Variants in OLA1 observed in about 807,000 individuals in gnomAD.
OLA1 encodes obg-like ATPase 1.
A neutral mutation model predicts 48.4 loss-of-function variants in OLA1; 14 were observed. That is an observed-to-expected ratio of 0.29 (90% CI 0.19 to 0.45). The LOEUF (loss-of-function observed/expected upper bound fraction) is 0.45. OLA1 is among the 20% of genes least tolerant of loss of function. OLA1 has a pLI of 1.00. For missense variants in OLA1, 325 were observed against 467.1 expected, an observed-to-expected ratio of 0.70 and a Z score of 2.80; for synonymous variants, 127 against 150.4, an observed-to-expected ratio of 0.84 and a Z score of 1.14.
chr2:174,247,880 C>T, intron 1 of OLA1: 4 of 1,301,144 alleles, frequency 3.1e-6, no homozygotes, highest in Non-Finnish European at 3.2e-6. Flanking sequence ...TACTCCCACC[C>T]TTGGACTGCA....
intron 7 of OLA1, among the ~76,000 whole-genome samples, chr2:174,083,221 T>C (rs1684895553): frequency 6.6e-6 from 1 of 152,104 alleles, no homozygotes; most frequent in Non-Finnish European, 1.5e-5. Flanking sequence ...TATGGCAAAA[T>C]GCTGTGGCAG....
intron 7 of OLA1, among the ~76,000 whole-genome samples, chr2:174,083,591 A>G (rs994992209): frequency 6.6e-6 from 1 of 152,166 alleles, no homozygotes; most frequent in Admixed American, 6.6e-5. Context: ...ACAGGTTAAA[A>G]AAAAGGTGGG....
At position 174,123,952 on chromosome 2, in the gene OLA1, C is replaced by T. The variant is rs192362488; in HGVS notation, c.550-277G>A. Among the ~76,000 whole-genome samples, 621 of 152,122 alleles carry T rather than the reference C, an allele frequency of 4.1e-3. 3 individuals carry two copies. The highest frequency in any genetic ancestry group is 0.014 in the African/African-American group (591 of 41,482). ...AATTCAATTACATCAAAGACTAATA[C>T]AAGAGTTACTACCATTTCAATATTA... On this transcript the variant is annotated intron_variant, in intron 5 of 10. Transcript: ENST00000284719.
intron 7 of OLA1, among the ~76,000 whole-genome samples, chr2:174,083,674 C>T (rs982662269): frequency 6.6e-6 from 1 of 152,080 alleles, no homozygotes; most frequent in Admixed American, 6.6e-5. Flanking sequence ...TTACACTATT[C>T]AAACAAAAGT....
At chr2:174,142,108 T>C in intron 4 of OLA1, 108 bp from the exon 5 acceptor site, 1 of 973,892 alleles carries the variant, frequency 1.0e-6, no homozygotes, top group Non-Finnish European at 1.5e-6. Context: ...AATAAATAAA[T>C]TACTCTGGCT....
At chr2:174,107,935 G>T (rs1379795994) in intron 7 of OLA1, among the ~76,000 whole-genome samples, 2 of 151,954 alleles carry the variant, frequency 1.3e-5, no homozygotes, top group African/African-American at 2.4e-5. Flanking sequence ...AGATAGAGGG[G>T]CTTAAAATAT....
At chr2:174,081,288 G>T in intron 8 of OLA1, 40 bp from the exon 9 acceptor site, 1 of 1,484,074 alleles carries the variant, frequency 6.7e-7, no homozygotes, top group South Asian at 1.1e-5. Context: ...CACATAAGTT[G>T]ATTGTGCCAG....
intron 4 of OLA1, among the ~76,000 whole-genome samples, chr2:174,177,045 C>T (rs990153324): frequency 3.9e-5 from 6 of 152,094 alleles, no homozygotes; most frequent in African/African-American, 1.2e-4. Context: ...CAGGCACCAG[C>T]AATTTCCTAA....
In OLA1 at chr2:174,183,037, C is replaced by T. The variant is rs141845644; in HGVS notation, c.373+39996G>A. ...AGTTTCACCCTTAAGTGGCTCCATA[C>T]GATCTCTAAAAACGTCATTTTTTTT... On this transcript the variant is annotated intron_variant, in intron 4 of 10. Transcript: ENST00000284719. 2.8e-3 allele frequency among the ~76,000 whole-genome samples: 422 copies of T among 152,102 alleles called. 1 individual carries two copies. The highest frequency in any genetic ancestry group is 4.2e-3 in the Non-Finnish European group (288 of 68,024).
intron 4 of OLA1, among the ~76,000 whole-genome samples, chr2:174,185,926 CAAATAAAT>C (rs138608479): frequency 5.3e-4 from 81 of 151,700 alleles, no homozygotes; most frequent in Non-Finnish European, 1.2e-4. Flanking sequence ...GACTCCAACT[CAAATAAAT>C]AAATAAATAA....
At chr2:174,225,533 T>C (rs186369558) in intron 3 of OLA1, among the ~76,000 whole-genome samples, 192 of 151,628 alleles carry the variant, frequency 1.3e-3, no homozygotes, top group African/African-American at 4.3e-3. Context: ...TGGGCAACAA[T>C]GGCGAAACTC....
intron 4 of OLA1, among the ~76,000 whole-genome samples, chr2:174,158,127 C>T (rs989588560): frequency 2.0e-5 from 3 of 152,172 alleles, no homozygotes; most frequent in East Asian, 1.9e-4. Context: ...AATCTTATAA[C>T]GTCCTAGTCA....
At chr2:174,235,659 A>G (rs1688830542) in intron 2 of OLA1, among the ~76,000 whole-genome samples, 2 of 152,180 alleles carry the variant, frequency 1.3e-5, no homozygotes, top group African/African-American at 4.8e-5. Flanking sequence ...AGTTGAAGAG[A>G]CTAAGATGAG....
intron 2 of OLA1, among the ~76,000 whole-genome samples, chr2:174,233,350 G>T (rs555932466): frequency 6.6e-6 from 1 of 152,044 alleles, no homozygotes; most frequent in Non-Finnish European, 1.5e-5. Flanking sequence ...ATTAAAAAAC[G>T]ATTAAGATGG....
intron 4 of OLA1, among the ~76,000 whole-genome samples, chr2:174,181,824 A>G (rs1687548435): frequency 6.6e-6 from 1 of 152,130 alleles, no homozygotes; most frequent in Non-Finnish European, 1.5e-5. Flanking sequence ...AACACTTACT[A>G]TACTATGCTC....
chr2:174,167,690 T>C (rs1687197654), intron 4 of OLA1, among the ~76,000 whole-genome samples: 1 of 152,226 alleles, frequency 6.6e-6, no homozygotes, highest in Admixed American at 6.5e-5. Flanking sequence ...TAGTATGTAA[T>C]AATCAATATA....
At chr2:174,155,379 A>C (rs772547472) in intron 4 of OLA1, among the ~76,000 whole-genome samples, 7 of 152,270 alleles carry the variant, frequency 4.6e-5, no homozygotes, top group Admixed American at 6.5e-5. Flanking sequence ...GATGAAGCTA[A>C]ACATGCAGCA....
At chr2:174,216,201 G>A (rs1477078770) in intron 4 of OLA1, among the ~76,000 whole-genome samples, 3 of 152,066 alleles carry the variant, frequency 2.0e-5, no homozygotes, top group African/African-American at 7.2e-5. Context: ...TACTTGAGGG[G>A]CTGAGGCAGG....
intron 4 of OLA1, among the ~76,000 whole-genome samples, chr2:174,187,727 T>G (rs1417863666): frequency 6.6e-6 from 1 of 152,088 alleles, no homozygotes; most frequent in Admixed American, 6.5e-5. Flanking sequence ...CAACGAAGAG[T>G]AAATAGAAAA....
Sources: gnomAD v4.1 joint callset for allele counts (sites outside exome capture counted in the v4.1 genomes callset) on GRCh38, gnomAD v4.1.1 for gene constraint, MANE v1.5 for transcripts, NCBI Gene and HGNC (gene_info 2026-07-23, HGNC 2026-07-21) for gene names.